AKAP8: variants seen among roughly 807,000 people sequenced by gnomAD.
The protein encoded by AKAP8 is A-kinase anchoring protein 8.
In AKAP8, 24 loss-of-function variants were observed where a neutral mutation model predicts 67.5. That is an observed-to-expected ratio of 0.36 (90% CI 0.26 to 0.50). The LOEUF (loss-of-function observed/expected upper bound fraction) is 0.50, where lower values mean the gene tolerates loss of function less well. AKAP8 is among the 20% of genes least tolerant of loss of function. The probability of loss-of-function intolerance (pLI) is 0.97; values close to 1 mark genes in which losing one functional copy is unlikely to be tolerated. For missense variants in AKAP8, 971 were observed against 955.9 expected, an observed-to-expected ratio of 1.02 and a Z score of -0.21; for synonymous variants, 400 against 371.1, an observed-to-expected ratio of 1.08 and a Z score of -0.90.
intron 9 of AKAP8, among the ~76,000 whole-genome samples, chr19:15,365,800 A>T (rs1967058153): frequency 6.6e-6 from 1 of 152,114 alleles, no homozygotes; most frequent in South Asian, 2.1e-4. Flanking sequence ...AGGTGCGTGG[A>T]TCACCTGAGG....
intron 1 of AKAP8, among the ~76,000 whole-genome samples, chr19:15,378,415 A>G (rs905936135): frequency 6.6e-6 from 1 of 152,118 alleles, no homozygotes; most frequent in Non-Finnish European, 1.5e-5. Context: ...TGTGTCTGAA[A>G]GGTTTTCGGC....
chr19:15,374,582 C>T (rs777634700), intron 3 of AKAP8, 21 bp downstream of exon 3: 3 of 1,612,136 alleles, frequency 1.9e-6, no homozygotes, highest in East Asian at 2.2e-5. Flanking sequence ...GCCCACAGAC[C>T]CCCCCCACAG....
chr19:15,366,132 C>CAAA (rs1967064873), intron 9 of AKAP8, among the ~76,000 whole-genome samples: 1 of 20,438 alleles, frequency 4.9e-5, no homozygotes. Flanking sequence ...GAAGAACATA[C>CAAA]AAGATGAAAA....
Position 15,373,352 on chromosome 19 carries a change from G to T in AKAP8, c.372-12C>A. The T allele has an allele frequency of 6.3e-7, 1 of 1,596,740 alleles. No homozygotes were observed. Among genetic ancestry groups the T allele is most frequent in the Non-Finnish European group, 8.5e-7 (1 of 1,170,976 alleles). The stretch of plus-strand genomic sequence containing the variant: ...GGAAGCGGAAGGAGCTGCAACAGAA[G>T]CACAGCCCATCAGGGGCGGTCACCC... On this transcript the variant is annotated splice_polypyrimidine_tract_variant and intron_variant, in intron 4 of 13. Transcript: ENST00000269701.
At chr19:15,363,297 CT>C (rs1230100493) in intron 9 of AKAP8, among the ~76,000 whole-genome samples, 1 of 148,364 alleles carries the variant, frequency 6.7e-6, no homozygotes, top group Non-Finnish European at 1.5e-5. Flanking sequence ...CCAGCCGCCC[CT>C]ACTGGGAAGT....
intron 2 of AKAP8, 47 bp downstream of exon 2, chr19:15,376,929 G>C (rs373561719): frequency 3.8e-6 from 6 of 1,594,366 alleles, no homozygotes; most frequent in Non-Finnish European, 4.3e-6. Context: ...CTAGGGCCTT[G>C]AGTTAGGGGA....
At chr19:15,357,115 G>A (rs1036550629) in intron 13 of AKAP8, among the ~76,000 whole-genome samples, 6 of 151,982 alleles carry the variant, frequency 3.9e-5, no homozygotes, top group African/African-American at 4.8e-5. Context: ...CCGCCACCAC[G>A]CCTGGCTAAT....
chr19:15,368,809 G>A, intron 8 of AKAP8: 2 of 985,200 alleles, frequency 2.0e-6, no homozygotes, highest in Non-Finnish European at 2.4e-6. Flanking sequence ...TCTGAACTAG[G>A]GCCTCAGCAG....
Position 15,368,302 on chromosome 19 carries a change from C to G in AKAP8, c.1093G>C (p.Glu365Gln). ...TTTTCCCTTCTCTTCTTCACATCCT[C>G]GTCCTCGTCCTCCTTCTCTCCTGTA... ...RQRGEKEDED[E>Q]DVKKRREKQR... The change falls in exon 9 of 14, where the codon GAG (glutamate) becomes CAG (glutamine). Residue 365 changes from glutamate to glutamine, a missense_variant. By Grantham distance (29) the Glu-to-Gln change is conservative (BLOSUM62 2). This residue lies in a region of AKAP8 where 763 missense variants were observed against 745.4 expected (regional missense o/e 1.02). Coordinates refer to ENST00000269701, the MANE Select transcript of AKAP8 (RefSeq NM_005858.4). 1 of 1,613,678 alleles carries G rather than the reference C, an allele frequency of 6.2e-7. No homozygotes were observed.
intron 9 of AKAP8, among the ~76,000 whole-genome samples, chr19:15,362,548 C>A (rs560961913): frequency 6.6e-6 from 1 of 151,830 alleles, no homozygotes; most frequent in Admixed American, 6.6e-5. Flanking sequence ...TTGGTGGAGA[C>A]GGGGTTTCGC....
intron 2 of AKAP8, 21 bp downstream of exon 2, chr19:15,376,955 C>T (rs928909604): frequency 9.3e-6 from 15 of 1,609,196 alleles, no homozygotes; most frequent in African/African-American, 8.0e-5. Flanking sequence ...ACGCCTCACC[C>T]GCAAAGCAGA....
chr19:15,373,439 A>C, intron 4 of AKAP8, 99 bp from the exon 5 acceptor site: 1 of 1,451,972 alleles, frequency 6.9e-7, no homozygotes, highest in South Asian at 1.5e-5. Flanking sequence ...AAAACAGCAA[A>C]CCAAACCACC....
intron 11 of AKAP8, chr19:15,361,344 T>G: frequency 4.7e-6 from 1 of 211,476 alleles, no homozygotes; most frequent in Non-Finnish European, 8.8e-6. Context: ...GCTGGCTTCA[T>G]GCCACTTTTT....
intron 4 of AKAP8, 54 bp downstream of exon 4, chr19:15,373,732 G>A (rs1036134535): frequency 4.5e-5 from 70 of 1,548,086 alleles, no homozygotes; most frequent in Admixed American, 7.2e-5. Flanking sequence ...ACTCCCATGC[G>A]CACAAAGGTG....
chr19:15,370,093 G>A lies in AKAP8; in HGVS notation c.1072+53C>T, dbSNP rs1462770342. The stretch of plus-strand genomic sequence containing the variant: ...CTTGCTCAGAAGCTGGGCAGTAAGT[G>A]CGGGGCAGCTGGGAAGACACAGGAA... On this transcript the variant is annotated intron_variant, in intron 8 of 13. Coordinates refer to ENST00000269701, the MANE Select transcript of AKAP8 (RefSeq NM_005858.4). 17 of 1,608,480 alleles carry A rather than the reference G, an allele frequency of 1.1e-5. No individual in the cohort carries two copies. In the Admixed American group the frequency reaches 2.0e-4, roughly 19 times the overall value.
intron 13 of AKAP8, among the ~76,000 whole-genome samples, chr19:15,357,428 C>CAAAAA (rs59205660): frequency 4.9e-5 from 2 of 40,734 alleles, no homozygotes; most frequent in Admixed American, 4.5e-4. Context: ...GACTCCATCT[C>CAAAAA]AAAAAAAAAA....
At chr19:15,363,247 C>G (rs1255500376) in intron 9 of AKAP8, among the ~76,000 whole-genome samples, 5 of 150,090 alleles carry the variant, frequency 3.3e-5, no homozygotes, top group African/African-American at 1.2e-4. Context: ...GCCCCCCGCC[C>G]GGCCAGCCGC....
At chr19:15,357,114 C>G (rs576045553) in intron 13 of AKAP8, among the ~76,000 whole-genome samples, 2 of 152,096 alleles carry the variant, frequency 1.3e-5, no homozygotes, top group South Asian at 2.1e-4. Context: ...CCCGCCACCA[C>G]GCCTGGCTAA....
rs71176406 is a variant in AKAP8 at position 15,364,108 on chromosome 19, C to CAAAA, written c.1161-1861_1161-1858dup. On this transcript the variant is annotated intron_variant, in intron 9 of 13. Coordinates refer to ENST00000269701, the MANE Select transcript of AKAP8 (RefSeq NM_005858.4). ...AATAAATAAATAAATTGGCAGTGGG[C>CAAAA]AAAAAAAAAAAAAAAAAGAAACAGG... is the stretch of plus-strand genomic sequence containing the variant. Among the ~76,000 whole-genome samples the CAAAA allele has an allele frequency of 3.3e-3, 172 of 52,342 alleles. 38 individuals are homozygous for CAAAA. The highest frequency in any genetic ancestry group is 0.014 in the African/African-American group (163 of 12,002). The allele number at this position is 52,342 out of a possible 152,430, so 34.3% of individuals were successfully genotyped here.
Sources: allele counts gnomAD v4.1 joint callset (sites outside exome capture counted in the v4.1 genomes callset), GRCh38; gene constraint gnomAD v4.1.1; regional missense constraint gnomAD v4.1.1; transcripts MANE v1.5; gene names NCBI Gene and HGNC (gene_info 2026-07-23, HGNC 2026-07-21).